The following MAML3 variants were observed in gnomAD, a reference collection of about 807,000 sequenced individuals.
The protein encoded by MAML3 is mastermind-like protein 3.
MAML3 carries 27 observed loss-of-function variants against 101.9 expected under a neutral mutation model. The observed-to-expected ratio is 0.27, with a 90% CI of 0.20 to 0.37. The LOEUF is 0.37. MAML3 is among the 10% of genes least tolerant of loss of function. The pLI is 1.00. For missense variants in MAML3, 1,316 were observed against 1,444.9 expected (o/e 0.91, Z 1.45); for synonymous variants, 501 against 555.9 (o/e 0.90, Z 1.39).
At chr4:140,118,321 T>C (rs995212581) in intron 1 of MAML3, among the ~76,000 whole-genome samples, 24 of 152,226 alleles carry the variant, frequency 1.6e-4, no homozygotes, top group Non-Finnish European at 3.1e-4. Context: ...CCTCAGTTTC[T>C]TCATCTGTAT....
chr4:139,731,435 T>TTAAAAAAAAA (rs1491282159), intron 2 of MAML3: 2 of 38,718 alleles, frequency 5.2e-5, no homozygotes, highest in African/African-American at 1.6e-4. Context: ...CTGTCTCTAC[T>TTAAAAAAAAA]AAAAAAAAAA....
chr4:139,783,575 C>G (rs115441422), intron 2 of MAML3, among the ~76,000 whole-genome samples: 3 of 152,236 alleles, frequency 2.0e-5, no homozygotes, highest in Admixed American at 6.5e-5. Flanking sequence ...TGGACTCCAA[C>G]GTGCTGAAAG....
chr4:140,099,598 A>G (rs1252133113), intron 1 of MAML3, among the ~76,000 whole-genome samples: 1 of 152,166 alleles, frequency 6.6e-6, no homozygotes, highest in Admixed American at 6.5e-5. Context: ...CTGAATCTCA[A>G]TCCTATTCAC....
intron 2 of MAML3, among the ~76,000 whole-genome samples, chr4:139,822,182 A>G (rs1309043505): frequency 1.3e-5 from 2 of 151,938 alleles, no homozygotes; most frequent in African/African-American, 4.8e-5. Flanking sequence ...CATCATCACC[A>G]TCACCATTAT....
Position 140,153,651 on chromosome 4 carries a change from G to A in MAML3, c.-324C>T, listed in dbSNP as rs1015472549. ...CGGGTTGCAACTCAAGGGGAGATCC[G>A]CTCCTTGCTTGCCTTCTTTTTATAA... is the stretch of plus-strand genomic sequence containing the variant. On this transcript the variant is annotated 5_prime_UTR_variant, in exon 1 of 5. Coordinates refer to ENST00000509479, the MANE Select transcript of MAML3 (RefSeq NM_018717.5). The A allele has an allele frequency of 3.1e-6, 1 of 321,520 alleles. No homozygotes were observed. The highest frequency in any genetic ancestry group is 5.6e-6 in the Non-Finnish European group (1 of 177,836). 19.9% of individuals were successfully genotyped at this position (321,520 alleles called of 1,614,324 possible). A position where few individuals can be genotyped will look rare whatever the true frequency, so the allele number is the denominator to read the frequency against.
intron 1 of MAML3, among the ~76,000 whole-genome samples, chr4:140,022,058 G>C (rs1029665061): frequency 6.6e-6 from 1 of 152,212 alleles, no homozygotes; most frequent in African/African-American, 2.4e-5. Context: ...TCTTGGTCCA[G>C]CCCTACTCTA....
chr4:139,980,897 C>T (rs1475047500), intron 1 of MAML3, among the ~76,000 whole-genome samples: 3 of 152,130 alleles, frequency 2.0e-5, no homozygotes, highest in Non-Finnish European at 4.4e-5. Context: ...AATTGTGTAG[C>T]CAGAGAATAC....
intron 2 of MAML3, among the ~76,000 whole-genome samples, chr4:139,771,693 A>C (rs1333986648): frequency 6.6e-6 from 1 of 152,168 alleles, no homozygotes; most frequent in Non-Finnish European, 1.5e-5. Flanking sequence ...CCCTTAGCGT[A>C]TTTAACTGCA....
At chr4:140,043,473 C>A (rs1727121330) in intron 1 of MAML3, among the ~76,000 whole-genome samples, 1 of 152,198 alleles carries the variant, frequency 6.6e-6, no homozygotes, top group Non-Finnish European at 1.5e-5. Context: ...TCATGACCTT[C>A]CAAAAATTTC....
At chr4:140,064,734 C>T (rs1471070858) in intron 1 of MAML3, among the ~76,000 whole-genome samples, 1 of 152,152 alleles carries the variant, frequency 6.6e-6, no homozygotes, top group Non-Finnish European at 1.5e-5. Context: ...AAGAAGAACT[C>T]GCCTTCCTTC....
intron 1 of MAML3, among the ~76,000 whole-genome samples, chr4:140,026,850 G>T (rs567448205): frequency 5.8e-4 from 88 of 152,214 alleles, no homozygotes; most frequent in Non-Finnish European, 3.7e-4. Flanking sequence ...AGTACAGACA[G>T]TAAAGTTTTG....
intron 1 of MAML3, among the ~76,000 whole-genome samples, chr4:140,122,980 C>T (rs1428722844): frequency 6.6e-6 from 1 of 152,060 alleles, no homozygotes; most frequent in African/African-American, 2.4e-5. Flanking sequence ...ATTTCCTACT[C>T]TCTACTCCAA....
intron 1 of MAML3, among the ~76,000 whole-genome samples, chr4:140,047,828 G>A (rs1307482771): frequency 6.6e-6 from 1 of 151,138 alleles, no homozygotes; most frequent in Non-Finnish European, 1.5e-5. Flanking sequence ...CTTAAATGGA[G>A]TGAAGTTTGA....
chr4:139,992,234 T>C (rs1490089228), intron 1 of MAML3, among the ~76,000 whole-genome samples: 1 of 152,232 alleles, frequency 6.6e-6, no homozygotes, highest in Non-Finnish European at 1.5e-5. Context: ...ATATTTTATT[T>C]ACTAGTTGAT....
At chr4:139,794,241 G>A (rs761065342) in intron 2 of MAML3, 20 of 152,164 alleles carry the variant, frequency 1.3e-4, no homozygotes, top group Admixed American at 3.9e-4. Context: ...AACAGACAAA[G>A]TCATCACACA....
rs376108829 is a variant in MAML3 at position 139,889,430 on chromosome 4, C to T, written c.2006G>A (p.Arg669His). The change falls in exon 2 of 5, where the codon CGC (arginine) becomes CAC (histidine). Residue 669 changes from arginine to histidine, a missense_variant. Transcript: ENST00000509479. The part of the protein sequence containing the change: ...PRAHLSEDQK[R>H]LLLMKQKGVM... ...TCCTTTCTGCTTCATGAGAAGCAGGCGTTTCTGGTCTTCGCTCAGGTGTGC... is the reference window on the plus strand; with the variant it reads ...TCCTTTCTGCTTCATGAGAAGCAGGTGTTTCTGGTCTTCGCTCAGGTGTGC... The T allele has an allele frequency of 1.8e-4, 296 of 1,613,894 alleles. No individual in the cohort carries two copies. The highest frequency in any genetic ancestry group is 1.3e-4 in the Non-Finnish European group (152 of 1,179,898).
intron 1 of MAML3, among the ~76,000 whole-genome samples, chr4:139,964,752 G>GA (rs1734094054): frequency 6.6e-6 from 1 of 151,766 alleles, no homozygotes; most frequent in Non-Finnish European, 1.5e-5. Flanking sequence ...TGGTACACAA[G>GA]AGATGTACTT....
At chr4:139,804,030 C>T (rs115785050) in intron 2 of MAML3, among the ~76,000 whole-genome samples, 89 of 152,298 alleles carry the variant, frequency 5.8e-4, no homozygotes, top group African/African-American at 2.1e-3. Flanking sequence ...TGGGGATCGG[C>T]AGACCCAACT....
intron 2 of MAML3, among the ~76,000 whole-genome samples, chr4:139,833,709 T>C (rs1188583095): frequency 1.3e-5 from 2 of 152,074 alleles, no homozygotes; most frequent in Non-Finnish European, 2.9e-5. Flanking sequence ...TGCCAAGGGG[T>C]GGCCGCTTGA....
Sources: gnomAD v4.1 joint callset for allele counts (sites outside exome capture counted in the v4.1 genomes callset) on GRCh38, gnomAD v4.1.1 for gene constraint, MANE v1.5 for transcripts, NCBI Gene and HGNC (gene_info 2026-07-23, HGNC 2026-07-21) for gene names.